Variants in RCOR1 observed in about 807,000 individuals in gnomAD.
RCOR1 encodes the protein REST corepressor.
RCOR1 carries 12 observed loss-of-function variants against 64.0 expected under a neutral mutation model. The ratio of observed to expected loss-of-function variants is 0.19; its 90% CI spans 0.12 to 0.30. RCOR1 has a LOEUF of 0.30. Among genes scored for constraint, RCOR1 ranks in the 10% least tolerant of loss-of-function variants. The pLI, the probability that RCOR1 is intolerant of heterozygous loss-of-function variation, is 1.00. For synonymous variants in RCOR1, 279 were observed against 227.2 expected, an observed-to-expected ratio of 1.23 and a Z score of -2.05; for missense variants, 502 against 621.2, an observed-to-expected ratio of 0.81 and a Z score of 2.04.
intron 4 of RCOR1, among the ~76,000 whole-genome samples, chr14:102,702,167 G>A (rs1895768526): frequency 6.6e-6 from 1 of 152,140 alleles, no homozygotes; most frequent in South Asian, 2.1e-4. Context: ...CTGAATGATG[G>A]AAGTTACCAA....
chr14:102,632,874 T>G (rs1443326887), intron 2 of RCOR1, among the ~76,000 whole-genome samples: 1 of 150,270 alleles, frequency 6.7e-6, no homozygotes, highest in Non-Finnish European at 1.5e-5. Context: ...TGCAGTGAAG[T>G]GATTATAGCC....
chr14:102,658,687 T>TAC, intron 2 of RCOR1: 1 of 895,526 alleles, frequency 1.1e-6, no homozygotes, highest in Non-Finnish European at 1.3e-6. Flanking sequence ...CCAACACTGA[T>TAC]ACATTACTAA....
At chr14:102,684,300 A>G (rs1247414548) in intron 3 of RCOR1, among the ~76,000 whole-genome samples, 1 of 152,178 alleles carries the variant, frequency 6.6e-6, no homozygotes, top group Non-Finnish European at 1.5e-5. Flanking sequence ...ATCAAGATTT[A>G]TTTACTTTGT....
At chr14:102,653,920 C>CTTCTCT in intron 2 of RCOR1, among the ~76,000 whole-genome samples, 1 of 98,924 alleles carries the variant, frequency 1.0e-5, no homozygotes, top group Non-Finnish European at 2.0e-5. Flanking sequence ...CAGGTATTTC[C>CTTCTCT]TTCTTTCTTT....
intron 2 of RCOR1, among the ~76,000 whole-genome samples, chr14:102,648,526 CTT>C (rs773655410): frequency 7.9e-5 from 12 of 152,232 alleles, no homozygotes; most frequent in Non-Finnish European, 1.3e-4. Context: ...AAACCAATAT[CTT>C]GGCACTAGCT....
rs551784029 is a variant in RCOR1 at position 102,683,683 on chromosome 14, T to C, written c.445+1705T>C. Among the ~76,000 whole-genome samples the C allele has an allele frequency of 2.6e-5, 4 of 152,346 alleles. No homozygotes were observed. The South Asian group carries it at 8.3e-4, about 32-fold the overall frequency. ...CGCGCTGATGTTCCGTGCGCGAATG[T>C]GGCCCCCGCTGACCTGGAGATGGCA... On this transcript the variant is annotated intron_variant, in intron 3 of 11. Transcript: ENST00000262241.
intron 2 of RCOR1, among the ~76,000 whole-genome samples, chr14:102,667,642 A>G (rs1263620587): frequency 6.6e-6 from 1 of 152,156 alleles, no homozygotes; most frequent in Non-Finnish European, 1.5e-5. Flanking sequence ...GAAACCATGA[A>G]GTTGGAAACT....
intron 2 of RCOR1, among the ~76,000 whole-genome samples, chr14:102,637,107 T>TTTTG (rs1157886573): frequency 1.3e-5 from 2 of 151,750 alleles, no homozygotes; most frequent in Non-Finnish European, 2.9e-5. Flanking sequence ...TACAAGTTTT[T>TTTTG]TTTGTTTGTT....
chr14:102,710,837 G>A, intron 6 of RCOR1, 98 bp from the exon 7 acceptor site: 1 of 777,812 alleles, frequency 1.3e-6, no homozygotes, highest in Non-Finnish European at 2.2e-6. Flanking sequence ...TTTATATTTG[G>A]TAAAATTAGT....
chr14:102,672,061 T>G (rs1895041746), intron 2 of RCOR1, among the ~76,000 whole-genome samples: 1 of 152,246 alleles, frequency 6.6e-6, no homozygotes, highest in Non-Finnish European at 1.5e-5. Flanking sequence ...CTGCATTTTT[T>G]TATTCAATCG....
chr14:102,594,078 C>CTGCT (rs1406118367), intron 2 of RCOR1, among the ~76,000 whole-genome samples: 1 of 152,146 alleles, frequency 6.6e-6, no homozygotes, highest in Admixed American at 6.6e-5. Context: ...AGTTCCCTGG[C>CTGCT]TGCTATTCTG....
chr14:102,602,158 CA>C (rs35761645), intron 2 of RCOR1, among the ~76,000 whole-genome samples: 77,307 of 132,520 alleles, frequency 0.58, 22,389 homozygotes, highest in South Asian at 0.71. Context: ...GACTCCGTCT[CA>C]AAAAAAAAAA....
chr14:102,693,635 T>C (rs1895584624), intron 3 of RCOR1, among the ~76,000 whole-genome samples: 1 of 151,332 alleles, frequency 6.6e-6, no homozygotes, highest in African/African-American at 2.4e-5. Flanking sequence ...TAGCTTCCTT[T>C]TCAGAGCTAA....
intron 8 of RCOR1, among the ~76,000 whole-genome samples, chr14:102,719,095 T>C (rs919909194): frequency 2.0e-5 from 3 of 151,940 alleles, no homozygotes; most frequent in Non-Finnish European, 4.4e-5. Context: ...CTAGCATAAT[T>C]TTTTTTTGGC....
At chr14:102,712,947 G>GTTTTTTT (rs67246962) in intron 7 of RCOR1, among the ~76,000 whole-genome samples, 9 of 77,706 alleles carry the variant, frequency 1.2e-4, no homozygotes, top group Admixed American at 1.9e-4. Context: ...CTAAATCATT[G>GTTTTTTT]TTTTTTTTTT....
At chr14:102,692,600 ATCT>A (rs1331003274) in intron 3 of RCOR1, among the ~76,000 whole-genome samples, 1 of 152,078 alleles carries the variant, frequency 6.6e-6, no homozygotes, top group African/African-American at 2.4e-5. Context: ...AAATGGTTAC[ATCT>A]TCTATGTAGT....
At chr14:102,625,071 T>TA (rs1370343159) in intron 2 of RCOR1, among the ~76,000 whole-genome samples, 1 of 151,896 alleles carries the variant, frequency 6.6e-6, no homozygotes, top group East Asian at 1.9e-4. Context: ...GATAAGGTGT[T>TA]ACTGTGTTGC....
chr14:102,695,972 T>TA (rs1160246715), intron 3 of RCOR1, among the ~76,000 whole-genome samples: 3 of 152,048 alleles, frequency 2.0e-5, no homozygotes, highest in South Asian at 4.2e-4. Flanking sequence ...CAGAGAAGAT[T>TA]AAAAAAAAGA....
In RCOR1 at chr14:102,729,057, A is replaced by G. The variant is rs1896321798; in HGVS notation, c.*2551A>G. The G allele has an allele frequency of 6.6e-6, 1 of 152,660 alleles. No homozygotes were observed. The highest frequency in any genetic ancestry group is 1.5e-5 in the Non-Finnish European group (1 of 68,044). The allele number at this position is 152,660 out of a possible 1,614,324, so 9.5% of individuals were successfully genotyped here. ...GATAACTGCTTCAGATGGAATGTTC[A>G]CTTAAGCTTTGTCTTCTTAAAAATT... is the stretch of plus-strand genomic sequence containing the variant. On this transcript the variant is annotated 3_prime_UTR_variant, in exon 12 of 12. Coordinates refer to ENST00000262241, the MANE Select transcript of RCOR1 (RefSeq NM_015156.4).
Sources: allele counts gnomAD v4.1 joint callset (sites outside exome capture counted in the v4.1 genomes callset), GRCh38; gene constraint gnomAD v4.1.1; transcripts MANE v1.5; gene names NCBI Gene and HGNC (gene_info 2026-07-23, HGNC 2026-07-21).